The following CNTN4 variants were observed in gnomAD, a reference collection of about 807,000 sequenced individuals.
CNTN4 encodes the protein contactin 4.
A neutral mutation model predicts 122.5 loss-of-function variants in CNTN4; 77 were observed. That is an observed-to-expected ratio of 0.63 (90% confidence interval 0.52 to 0.76). CNTN4 has a LOEUF of 0.76. Among genes scored for constraint, CNTN4 ranks in the 30% least tolerant of loss-of-function variants. CNTN4 has a pLI of 0.00. For missense variants in CNTN4, 1,256 were observed against 1,259.1 expected (o/e 1.00, Z 0.04); for synonymous variants, 512 against 447.0 (o/e 1.15, Z -1.83).
intron 2 of CNTN4, among the ~76,000 whole-genome samples, chr3:2,152,427 G>C (rs1559291384): frequency 6.6e-6 from 1 of 152,090 alleles, no homozygotes. Flanking sequence ...GGGAGGGGTG[G>C]AGCAAAGTTA....
chr3:2,672,030 G>T (rs1235584717), intron 4 of CNTN4, among the ~76,000 whole-genome samples: 1 of 152,224 alleles, frequency 6.6e-6, no homozygotes, highest in Non-Finnish European at 1.5e-5. Context: ...CCCTACTGGG[G>T]GGTGCCTCCC....
intron 3 of CNTN4, among the ~76,000 whole-genome samples, chr3:2,407,803 A>G (rs953239742): frequency 6.6e-6 from 1 of 152,194 alleles, no homozygotes; most frequent in Non-Finnish European, 1.5e-5. Flanking sequence ...AAAATCCACT[A>G]TTTTGAGAAT....
At chr3:2,816,666 C>A (rs1325736299) in intron 6 of CNTN4, among the ~76,000 whole-genome samples, 4 of 150,254 alleles carry the variant, frequency 2.7e-5, no homozygotes, top group African/African-American at 9.8e-5. Context: ...ACTAAAAATA[C>A]AAAAATTAGC....
chr3:2,769,162 C>G (rs1473891534), intron 6 of CNTN4, among the ~76,000 whole-genome samples: 1 of 152,038 alleles, frequency 6.6e-6, no homozygotes, highest in East Asian at 1.9e-4. Flanking sequence ...CAAATATGCA[C>G]TACATTATTA....
chr3:2,507,543 G>A (rs2076764550), intron 3 of CNTN4, among the ~76,000 whole-genome samples: 1 of 151,660 alleles, frequency 6.6e-6, no homozygotes, highest in South Asian at 2.1e-4. Flanking sequence ...AGACCAACCT[G>A]GCCAACATAG....
chr3:2,769,691 A>G (rs961679026), intron 6 of CNTN4, among the ~76,000 whole-genome samples: 7 of 152,148 alleles, frequency 4.6e-5, no homozygotes, highest in African/African-American at 9.7e-5. Context: ...TTAAAATTCT[A>G]TTGCTCCATT....
At chr3:2,840,297 C>T (rs976202941) in intron 7 of CNTN4, among the ~76,000 whole-genome samples, 7 of 152,024 alleles carry the variant, frequency 4.6e-5, no homozygotes, top group African/African-American at 7.2e-5. Flanking sequence ...AATTTTAACC[C>T]GTTACCCACT....
Position 2,272,963 on chromosome 3 carries a change from C to T in CNTN4, c.-144-66215C>T, listed in dbSNP as rs556827800. Among the ~76,000 whole-genome samples the T allele has an allele frequency of 1.9e-3, 285 of 152,130 alleles. 1 individual carries two copies. Among genetic ancestry groups the T allele is most frequent in the African/African-American group, 6.7e-3 (276 of 41,496 alleles). On this transcript the variant is annotated intron_variant, in intron 2 of 24. Coordinates refer to ENST00000418658, the MANE Select transcript of CNTN4 (RefSeq NM_175607.3). ...ATCTCCTTAGGGTTAAGTATGTCCC[C>T]AAAGCCCTGCGTCTTGAGGTAGGCA...
intron 2 of CNTN4, among the ~76,000 whole-genome samples, chr3:2,121,543 C>T (rs1303739469): frequency 1.3e-5 from 2 of 151,868 alleles, no homozygotes; most frequent in Non-Finnish European, 1.5e-5. Context: ...GACCCATATC[C>T]TCCAGTCCTA....
intron 2 of CNTN4, among the ~76,000 whole-genome samples, chr3:2,138,348 G>T (rs1426335688): frequency 6.6e-6 from 1 of 152,178 alleles, no homozygotes; most frequent in Non-Finnish European, 1.5e-5. Context: ...GATTACAGGT[G>T]TGAGCTACCG....
chr3:2,445,247 G>A (rs1349675914), intron 3 of CNTN4, among the ~76,000 whole-genome samples: 1 of 152,166 alleles, frequency 6.6e-6, no homozygotes, highest in Non-Finnish European at 1.5e-5. Context: ...GGGGACTCTG[G>A]AGTCAGGAGA....
At chr3:2,402,675 C>T (rs1298255189) in intron 3 of CNTN4, among the ~76,000 whole-genome samples, 5 of 152,052 alleles carry the variant, frequency 3.3e-5, no homozygotes, top group African/African-American at 4.8e-5. Context: ...TTTTCGTACT[C>T]GTTTGCCATC....
At chr3:2,559,698 G>T (rs892800489) in intron 3 of CNTN4, among the ~76,000 whole-genome samples, 1 of 152,114 alleles carries the variant, frequency 6.6e-6, no homozygotes, top group African/African-American at 2.4e-5. Flanking sequence ...TTTGCAGAAG[G>T]CTTCTGGAAA....
chr3:2,958,060 T>C (rs1321150137), intron 13 of CNTN4, among the ~76,000 whole-genome samples: 2 of 152,174 alleles, frequency 1.3e-5, no homozygotes, highest in Non-Finnish European at 2.9e-5. Context: ...ATTTCTCTGA[T>C]GGGAGGCTGT....
In CNTN4 at chr3:2,731,016, T is replaced by G. The variant is rs559570258; in HGVS notation, c.56-5199T>G. ...CTTTATTACTCTTTTTCTTAGAGGG[T>G]TTTTTTTTTTAAGTCAAAAAATATT... On this transcript the variant is annotated intron_variant, in intron 4 of 24. Transcript: ENST00000418658. Among the ~76,000 whole-genome samples, 174 of 145,562 alleles carry G rather than the reference T, an allele frequency of 1.2e-3. No homozygotes were observed. The East Asian group carries it at 0.013, about 11-fold the overall frequency.
intron 2 of CNTN4, among the ~76,000 whole-genome samples, chr3:2,222,962 C>T (rs533045319): frequency 1.3e-5 from 2 of 152,300 alleles, no homozygotes; most frequent in South Asian, 2.1e-4. Flanking sequence ...CTGACAGAAG[C>T]CCACCACGAT....
intron 3 of CNTN4, among the ~76,000 whole-genome samples, chr3:2,549,186 C>A (rs999827102): frequency 2.6e-5 from 4 of 152,146 alleles, no homozygotes; most frequent in African/African-American, 4.8e-5. Flanking sequence ...TTTGAATACT[C>A]TTTATTTCTT....
At chr3:2,757,715 T>A (rs936492016) in intron 6 of CNTN4, among the ~76,000 whole-genome samples, 2 of 152,214 alleles carry the variant, frequency 1.3e-5, no homozygotes, top group Non-Finnish European at 2.9e-5. Context: ...ATGTCTATAA[T>A]ATATATTCAC....
chr3:2,287,715 GA>G (rs778157912), intron 2 of CNTN4, among the ~76,000 whole-genome samples: 12,643 of 63,798 alleles, frequency 0.2, 1,111 homozygotes, highest in South Asian at 0.24. Context: ...AGAAGAGGAA[GA>G]AGAAGAAGAA....
Sources: allele counts gnomAD v4.1 joint callset (sites outside exome capture counted in the v4.1 genomes callset), GRCh38; gene constraint gnomAD v4.1.1; transcripts MANE v1.5; gene names NCBI Gene and HGNC (gene_info 2026-07-23, HGNC 2026-07-21).